STK39: variants seen among roughly 807,000 people sequenced by gnomAD.
STK39 encodes STE20/SPS1-related proline-alanine-rich protein kinase.
In STK39, 20 loss-of-function variants were observed where a neutral mutation model predicts 77.8. The ratio of observed to expected loss-of-function variants is 0.26; its 90% CI spans 0.18 to 0.37. The LOEUF is 0.37. STK39 is among the 10% of genes least tolerant of loss of function. STK39 has a pLI of 1.00. For synonymous variants in STK39, 246 were observed against 234.1 expected (o/e 1.05, Z -0.47); for missense variants, 479 against 656.5 (o/e 0.73, Z 2.95).
chr2:168,137,984 A>C, intron 8 of STK39, 104 bp downstream of exon 8: 2 of 1,452,030 alleles, frequency 1.4e-6, no homozygotes, highest in East Asian at 2.4e-5. Flanking sequence ...TTCCCAGACA[A>C]GAAATACCTT....
chr2:168,215,525 TCTA>T (rs1371183208), intron 1 of STK39, among the ~76,000 whole-genome samples: 4 of 152,206 alleles, frequency 2.6e-5, no homozygotes, highest in Admixed American at 1.3e-4. Context: ...TGCTAAAAAC[TCTA>T]CTTTTGCTGG....
intron 10 of STK39, among the ~76,000 whole-genome samples, chr2:168,076,063 T>C (rs1686069547): frequency 6.6e-6 from 1 of 152,152 alleles, no homozygotes; most frequent in African/African-American, 2.4e-5. Flanking sequence ...GTAATTTGCT[T>C]AAAAAATTTA....
intron 12 of STK39, among the ~76,000 whole-genome samples, chr2:168,067,261 G>A (rs1232145058): frequency 6.6e-6 from 1 of 152,156 alleles, no homozygotes; most frequent in African/African-American, 2.4e-5. Flanking sequence ...TGTTGGAGGT[G>A]GAGCCTGATG....
At chr2:168,210,025 GAAA>G (rs1689846964) in intron 1 of STK39, among the ~76,000 whole-genome samples, 1 of 69,920 alleles carries the variant, frequency 1.4e-5, no homozygotes, top group Non-Finnish European at 2.8e-5. Context: ...GGAAAGAAAG[GAAA>G]GAAAGGAAGG....
At chr2:167,966,583 T>G (rs1253621070) in intron 16 of STK39, among the ~76,000 whole-genome samples, 1 of 152,190 alleles carries the variant, frequency 6.6e-6, no homozygotes, top group Non-Finnish European at 1.5e-5. Context: ...AGCTCTAGCC[T>G]ACACTAATTC....
intron 14 of STK39, among the ~76,000 whole-genome samples, chr2:168,048,939 T>C (rs1685321946): frequency 6.6e-6 from 1 of 152,198 alleles, no homozygotes; most frequent in Non-Finnish European, 1.5e-5. Context: ...GGCAAATGCC[T>C]AATGCATCAT....
At chr2:168,184,637 C>T (rs1689162477) in intron 1 of STK39, among the ~76,000 whole-genome samples, 1 of 134,040 alleles carries the variant, frequency 7.5e-6, no homozygotes, top group Non-Finnish European at 1.6e-5. Context: ...CATACTTATT[C>T]CTTATCTACC....
chr2:168,079,380 T>C (rs569063534), intron 10 of STK39, among the ~76,000 whole-genome samples: 1 of 152,310 alleles, frequency 6.6e-6, no homozygotes, highest in South Asian at 2.1e-4. Flanking sequence ...AATGTCCCCA[T>C]GTCCCCTGGC....
intron 10 of STK39, among the ~76,000 whole-genome samples, chr2:168,079,593 T>C (rs1052771008): frequency 9.9e-5 from 15 of 152,150 alleles, no homozygotes; most frequent in African/African-American, 2.9e-4. Flanking sequence ...GTGAAGCCCA[T>C]AGACTGGGGC....
chr2:168,234,879 G>A (rs1690556959), intron 1 of STK39, among the ~76,000 whole-genome samples: 1 of 151,840 alleles, frequency 6.6e-6, no homozygotes, highest in Non-Finnish European at 1.5e-5. Flanking sequence ...TAGGCCAGAT[G>A]CAGTGGCTCA....
At chr2:168,182,893 C>G (rs1442754357) in intron 1 of STK39, among the ~76,000 whole-genome samples, 1 of 152,162 alleles carries the variant, frequency 6.6e-6, no homozygotes, top group African/African-American at 2.4e-5. Context: ...CATAAATCCT[C>G]TACCACTGCA....
intron 10 of STK39, 76 bp from the exon 11 acceptor site, chr2:168,075,307 T>C (rs1038121084): frequency 3.1e-6 from 5 of 1,590,850 alleles, no homozygotes; most frequent in African/African-American, 1.3e-5. Flanking sequence ...ACTTGGGTTA[T>C]ACGGCATACA....
At chr2:168,038,460 A>C (rs1685015206) in intron 14 of STK39, among the ~76,000 whole-genome samples, 1 of 150,794 alleles carries the variant, frequency 6.6e-6, no homozygotes, top group East Asian at 1.9e-4. Context: ...AAAAAAAAAA[A>C]CCCTCAGAAG....
chr2:168,130,070 T>C (rs1687640123), intron 8 of STK39, among the ~76,000 whole-genome samples: 3 of 152,204 alleles, frequency 2.0e-5, no homozygotes, highest in East Asian at 1.9e-4. Context: ...GACTGACACA[T>C]CTGTGAGCTA....
At chr2:168,106,129 A>G (rs1238541793) in intron 10 of STK39, among the ~76,000 whole-genome samples, 1 of 152,194 alleles carries the variant, frequency 6.6e-6, no homozygotes, top group East Asian at 1.9e-4. Context: ...TGCGCAGCTA[A>G]TTGACTCCAG....
At chr2:168,089,407 G>A (rs1386041531) in intron 10 of STK39, among the ~76,000 whole-genome samples, 8 of 152,168 alleles carry the variant, frequency 5.3e-5, no homozygotes, top group African/African-American at 1.9e-4. Context: ...AAAACAGAAA[G>A]TATAAGTAAC....
At chr2:168,237,579 G>T (rs1199449736) in intron 1 of STK39, among the ~76,000 whole-genome samples, 3 of 152,134 alleles carry the variant, frequency 2.0e-5, no homozygotes, top group South Asian at 2.1e-4. Context: ...TTGGCTGTGG[G>T]TCTGTCATAG....
At chr2:168,015,807 A>C (rs529541333) in intron 15 of STK39, among the ~76,000 whole-genome samples, 2 of 152,216 alleles carry the variant, frequency 1.3e-5, no homozygotes, top group South Asian at 4.1e-4. Context: ...TTATATTATG[A>C]CAAAATAGAT....
At chr2:168,112,270 G>C (rs1295861772) in intron 10 of STK39, among the ~76,000 whole-genome samples, 1 of 151,962 alleles carries the variant, frequency 6.6e-6, no homozygotes, top group African/African-American at 2.4e-5. Context: ...TGGACTCTTG[G>C]GACTCCTAAG....
Sources: allele counts gnomAD v4.1 joint callset (sites outside exome capture counted in the v4.1 genomes callset), GRCh38; gene constraint gnomAD v4.1.1; transcripts MANE v1.5; gene names NCBI Gene and HGNC (gene_info 2026-07-23, HGNC 2026-07-21).